ANKRD40: variants seen among roughly 807,000 people sequenced by gnomAD.
The protein encoded by ANKRD40 is ankyrin repeat domain-containing protein 40.
ANKRD40 carries 24 observed loss-of-function variants against 35.5 expected under a neutral mutation model. That is an observed-to-expected ratio of 0.68 (90% CI 0.49 to 0.95). The LOEUF (loss-of-function observed/expected upper bound fraction) is 0.95, where lower values mean the gene tolerates loss of function less well. Among genes scored for constraint, ANKRD40 ranks in the 40% least tolerant of loss-of-function variants. ANKRD40 has a pLI of 0.00. For synonymous variants in ANKRD40, 147 were observed against 173.5 expected, an observed-to-expected ratio of 0.85 and a Z score of 1.20; for missense variants, 361 against 436.0, an observed-to-expected ratio of 0.83 and a Z score of 1.53.
intron 4 of ANKRD40, 67 bp from the exon 5 acceptor site, chr17:50,696,210 T>G: frequency 6.7e-7 from 1 of 1,496,196 alleles, no homozygotes; most frequent in Non-Finnish European, 9.0e-7. Flanking sequence ...GTGCACTCTA[T>G]TGATACCAGT....
chr17:50,707,565 C>T lies in ANKRD40; in HGVS notation c.90G>A (p.Val30=), dbSNP rs766049572. The T allele has an allele frequency of 6.2e-7, 1 of 1,608,942 alleles. No individual in the cohort carries two copies. The highest frequency in any genetic ancestry group is 8.5e-7 in the Non-Finnish European group (1 of 1,177,530). ...LGDIREVQKL[V]ESGVDVNSQN... ...GGGAGTTCACATCCACCCCGCTCTC[C>T]ACCAGTTTCTGCACCTCCCGAATGT... The change falls in exon 1 of 5, where the codon GTG becomes GTA. Residue 30 remains valine, a synonymous_variant. Transcript: ENST00000285243. This position sits in a 1 kb window ranked among gnomAD's most constrained non-coding sequence, Gnocchi z 4.8.
chr17:50,705,546 A>C (rs1968323743), intron 1 of ANKRD40, among the ~76,000 whole-genome samples: 1 of 151,770 alleles, frequency 6.6e-6, no homozygotes, highest in African/African-American at 2.4e-5. Context: ...CTGGGATCTC[A>C]CTATGTTGCC....
At position 50,694,882 on chromosome 17, in the gene ANKRD40, G is replaced by T. The variant is rs1968178264; in HGVS notation, c.*1115C>A. ...TAATTTCAAAATAACCTTTATTTTT[G>T]ATACAAAAATAAAGATGCTAACTCC... On this transcript the variant is annotated 3_prime_UTR_variant, in exon 5 of 5. Transcript: ENST00000285243. 6.6e-6 allele frequency: 1 copy of T among 152,108 alleles called. No individual in the cohort carries two copies. Among genetic ancestry groups the T allele is most frequent in the Non-Finnish European group, 1.5e-5 (1 of 68,012 alleles). 9.4% of individuals were successfully genotyped at this position (152,108 alleles called of 1,614,324 possible). A position where few individuals can be genotyped will look rare whatever the true frequency, so the allele number is the denominator to read the frequency against.
Position 50,694,120 on chromosome 17 carries a change from A to C in ANKRD40, c.*1877T>G, listed in dbSNP as rs1430605053. On this transcript the variant is annotated 3_prime_UTR_variant, in exon 5 of 5. Coordinates refer to ENST00000285243, the MANE Select transcript of ANKRD40 (RefSeq NM_052855.4). ...ACTTCAGCCTGGGCAACAAAGCAAG[A>C]CTCCGTCTCAAAAAAAAAAAGAAAA... 3 of 150,982 alleles carry C rather than the reference A, an allele frequency of 2.0e-5. No homozygotes were observed. In the East Asian group the frequency reaches 5.8e-4, roughly 29 times the overall value. 9.4% of individuals were successfully genotyped at this position (150,982 alleles called of 1,614,324 possible).
chr17:50,707,772 G>T lies in ANKRD40; in HGVS notation c.-118C>A. 1 of 682,710 alleles carries T rather than the reference G, an allele frequency of 1.5e-6. No homozygotes were observed. The highest frequency in any genetic ancestry group is 1.9e-6 in the Non-Finnish European group (1 of 537,504). The allele number at this position is 682,710 out of a possible 1,614,324, so 42.3% of individuals were successfully genotyped here. A position where few individuals can be genotyped will look rare whatever the true frequency, so the allele number is the denominator to read the frequency against. On this transcript the variant is annotated 5_prime_UTR_variant, in exon 1 of 5. Coordinates refer to ENST00000285243, the MANE Select transcript of ANKRD40 (RefSeq NM_052855.4). The surrounding 1 kb of genome is among the most constrained non-coding windows in gnomAD (Gnocchi z 4.8). ...GCCATGGGGAGGGAGCGCGGAACTC[G>T]CCCGCCCTGCTCGCGCCGCTGCCCG... is the stretch of plus-strand genomic sequence containing the variant.
chr17:50,699,756 C>A lies in ANKRD40; in HGVS notation c.421G>T (p.Ala141Ser). 6.2e-7 allele frequency: 1 copy of A among 1,610,632 alleles called. No homozygotes were observed. The highest frequency in any genetic ancestry group is 8.5e-7 in the Non-Finnish European group (1 of 1,177,910). ...GAGGGGCCCCCATTCTGCATCTGGG[C>A]TGAATCCTCTGCTGTGGGTGTATAG... ...FIYTPTAEDSAQMQNGGPSTP... is the reference protein window; with the variant it reads ...FIYTPTAEDSSQMQNGGPSTP... The change falls in exon 3 of 5, where the codon GCC becomes TCC. Residue 141 changes from alanine (A) to serine (S), a missense_variant. Transcript: ENST00000285243.
At chr17:50,705,842 G>C (rs1968329849) in intron 1 of ANKRD40, among the ~76,000 whole-genome samples, 2 of 151,708 alleles carry the variant, frequency 1.3e-5, no homozygotes, top group African/African-American at 4.8e-5. Context: ...TGTATCTTTA[G>C]TAGAGACAGG....
chr17:50,698,883 T>A (rs1009158589), intron 3 of ANKRD40, among the ~76,000 whole-genome samples: 1 of 148,910 alleles, frequency 6.7e-6, no homozygotes. Flanking sequence ...TTCACACCTA[T>A]AATCTCAGCA....
At chr17:50,706,356 G>A (rs887052527) in intron 1 of ANKRD40, among the ~76,000 whole-genome samples, 1 of 152,048 alleles carries the variant, frequency 6.6e-6, no homozygotes, top group Non-Finnish European at 1.5e-5. Context: ...TCCTGACCTC[G>A]TGATCCGCCC....
chr17:50,695,838 G>T lies in ANKRD40; in HGVS notation c.*159C>A, dbSNP rs2146655037. 3.9e-6 allele frequency: 3 copies of T among 778,294 alleles called. No homozygotes were observed. Among genetic ancestry groups the T allele is most frequent in the South Asian group, 2.4e-5 (1 of 41,110 alleles). 48.2% of individuals were successfully genotyped at this position (778,294 alleles called of 1,614,324 possible). ...GGAAGAGTGGCACCACTGCTTGGGG[G>T]TCAGGGGCTTCCTACCTTGGCAGAA... On this transcript the variant is annotated 3_prime_UTR_variant, in exon 5 of 5. Transcript: ENST00000285243.
chr17:50,697,204 T>C, intron 3 of ANKRD40, 83 bp from the exon 4 acceptor site: 2 of 1,314,412 alleles, frequency 1.5e-6, no homozygotes, highest in Non-Finnish European at 2.1e-6. Flanking sequence ...AGAAGATGGT[T>C]ATACTTAATC....
Position 50,696,141 on chromosome 17 carries a change from GT to G in ANKRD40, c.962del (p.Asp321AlafsTer17), listed in dbSNP as rs1329107308. 1.2e-6 allele frequency: 2 copies of G among 1,613,198 alleles called. No individual in the cohort carries two copies. The highest frequency in any genetic ancestry group is 1.3e-5 in the African/African-American group (1 of 74,864). ...RKLPNTLLRK[D>X]KDVARLQDFQ... The stretch of plus-strand genomic sequence containing the variant: ...AATCTTGGAGTCGAGCAACATCCTT[GT>G]CCTAAAACAAAAATATGTTAAACAG... On this transcript the variant is annotated frameshift_variant and splice_region_variant, in exon 5 of 5. Coordinates refer to ENST00000285243, the MANE Select transcript of ANKRD40 (RefSeq NM_052855.4). LOFTEE classifies it high-confidence loss of function.
At chr17:50,704,584 C>T (rs536986454) in intron 1 of ANKRD40, among the ~76,000 whole-genome samples, 2 of 145,988 alleles carry the variant, frequency 1.4e-5, no homozygotes, top group East Asian at 2.1e-4. Flanking sequence ...CTTCACTAAA[C>T]ACCTCCTATG....
At chr17:50,705,660 C>CTT (rs901114991) in intron 1 of ANKRD40, among the ~76,000 whole-genome samples, 28 of 127,162 alleles carry the variant, frequency 2.2e-4, no homozygotes, top group African/African-American at 4.7e-4. Flanking sequence ...GGAAGATAGA[C>CTT]TTTTTTTTTT....
At chr17:50,696,539 G>A (rs1425650084) in intron 4 of ANKRD40, 2 of 224,470 alleles carry the variant, frequency 8.9e-6, no homozygotes, top group Non-Finnish European at 8.7e-6. Flanking sequence ...ATCTAGTAGT[G>A]CACTAAGTTA....
At chr17:50,705,603 C>T (rs1968324587) in intron 1 of ANKRD40, among the ~76,000 whole-genome samples, 2 of 151,908 alleles carry the variant, frequency 1.3e-5, no homozygotes, top group Non-Finnish European at 2.9e-5. Flanking sequence ...CCTGCCTTGG[C>T]CTCCCAAAGT....
Position 50,696,955 on chromosome 17 carries a change from A to G in ANKRD40, c.945T>C (p.Asn315=). ...CTTTTCTTACCTTCCTTAACAGAGTATTGGGTAACTTTCTGATCTTCTCCA... is the reference window on the plus strand; with the variant it reads ...CTTTTCTTACCTTCCTTAACAGAGTGTTGGGTAACTTTCTGATCTTCTCCA... ...DQVEKIRKLP[N]TLLRKDKDVA... is the part of the protein sequence containing the mutation. The change falls in exon 4 of 5, where the codon AAT becomes AAC. Residue 315 remains asparagine (N), a synonymous_variant. Coordinates refer to ENST00000285243, the MANE Select transcript of ANKRD40 (RefSeq NM_052855.4). The G allele has an allele frequency of 6.2e-7, 1 of 1,609,158 alleles. No homozygotes were observed. Among genetic ancestry groups the G allele is most frequent in the Non-Finnish European group, 8.5e-7 (1 of 1,178,148 alleles).
Position 50,700,584 on chromosome 17 carries a change from G to C in ANKRD40, c.267C>G (p.Ile89Met). The change falls in exon 2 of 5, where the codon ATC (isoleucine) becomes ATG (methionine). Residue 89 changes from isoleucine to methionine, a missense_variant. This residue lies in a region of ANKRD40 where 35 missense variants were observed against 68.4 expected (regional missense o/e 0.51). Transcript: ENST00000285243. ...MPVQLTSRRE[I>M]RKIMGVEEED... ...CAGACTCACCTCCCATAATCTTCCTGATTTCTCTCCTTGATGTTAACTGGA... is the reference window on the plus strand; with the variant it reads ...CAGACTCACCTCCCATAATCTTCCTCATTTCTCTCCTTGATGTTAACTGGA... The C allele has an allele frequency of 6.2e-7, 1 of 1,614,014 alleles. No individual in the cohort carries two copies. Among genetic ancestry groups the C allele is most frequent in the Non-Finnish European group, 8.5e-7 (1 of 1,180,024 alleles).
intron 1 of ANKRD40, among the ~76,000 whole-genome samples, chr17:50,701,887 T>C (rs1462862644): frequency 2.0e-5 from 3 of 152,238 alleles, no homozygotes; most frequent in African/African-American, 7.2e-5. Flanking sequence ...AGTTAGCATG[T>C]CTGGCTGGCT....
Sources: gnomAD v4.1 joint callset for allele counts (sites outside exome capture counted in the v4.1 genomes callset) on GRCh38, gnomAD v4.1.1 for gene constraint, gnomAD v4.1.1 regional missense constraint, Gnocchi (gnomAD v3.1) non-coding constraint, MANE v1.5 for transcripts, NCBI Gene and HGNC (gene_info 2026-07-23, HGNC 2026-07-21) for gene names.